The following SGK1 variants were observed in gnomAD, a reference collection of about 807,000 sequenced individuals.
SGK1 encodes the protein serum/glucocorticoid regulated kinase 1.
SGK1 carries 26 observed loss-of-function variants against 64.2 expected under a neutral mutation model. The ratio of observed to expected loss-of-function variants is 0.40; its 90% CI spans 0.30 to 0.56. The LOEUF is 0.56. Ranked by LOEUF, SGK1 falls within the 20% of genes least tolerant of loss-of-function variation. The pLI is 0.38. For synonymous variants in SGK1, 265 were observed against 239.7 expected, an observed-to-expected ratio of 1.11 and a Z score of -0.98; for missense variants, 519 against 645.6, an observed-to-expected ratio of 0.80 and a Z score of 2.12.
At chr6:134,300,883 C>G (rs1777443657) in intron 1 of SGK1, among the ~76,000 whole-genome samples, 1 of 152,030 alleles carries the variant, frequency 6.6e-6, no homozygotes, top group Admixed American at 6.5e-5. Context: ...ATCTACCCGC[C>G]TCGGCCTCCC....
rs113662116 is a variant in SGK1, at chr6:134,181,491, C to A, written c.362-6905G>T. ...TCCTGAGTAGCTGGGATTACAGGCA[C>A]GTGCCACTACTCCCAGTTAATTTGA... On this transcript the variant is annotated intron_variant, in intron 3 of 13. Transcript: ENST00000367858. 9.7e-3 allele frequency among the ~76,000 whole-genome samples: 1,476 copies of A among 152,116 alleles called. 28 individuals are homozygous for A. The highest frequency in any genetic ancestry group is 0.034 in the African/African-American group (1,418 of 41,486).
chr6:134,261,078 A>G (rs1158575894), intron 2 of SGK1: 1 of 152,350 alleles, frequency 6.6e-6, no homozygotes, highest in East Asian at 1.9e-4. Context: ...AAACTGCAAG[A>G]TGAATCAGTT....
chr6:134,263,658 C>A (rs1246848359), intron 1 of SGK1, among the ~76,000 whole-genome samples: 1 of 152,126 alleles, frequency 6.6e-6, no homozygotes, highest in Non-Finnish European at 1.5e-5. Flanking sequence ...CTATAAGATA[C>A]AGAAAGAAGT....
At chr6:134,290,027 T>G (rs1777240127) in intron 1 of SGK1, among the ~76,000 whole-genome samples, 1 of 151,534 alleles carries the variant, frequency 6.6e-6, no homozygotes, top group Non-Finnish European at 1.5e-5. Context: ...GGCAGGCACT[T>G]GTAATCCCAC....
At position 134,261,872 on chromosome 6, in the gene SGK1, A is replaced by T. The variant is rs760496439; in HGVS notation, c.285+61T>A. The T allele has an allele frequency of 5.2e-5, 64 of 1,234,742 alleles. No homozygotes were observed. The Admixed American group carries it at 1.1e-3, about 20-fold the overall frequency. The allele number at this position is 1,234,742 out of a possible 1,614,324, so 76.5% of individuals were successfully genotyped here. A position where few individuals can be genotyped will look rare whatever the true frequency, so the allele number is the denominator to read the frequency against. ...TTTGGGTATACTCTGGCAGAAATAC[A>T]AGAAAAACAAAGGCCCAGAATTTTT... On this transcript the variant is annotated intron_variant, in intron 2 of 13. Transcript: ENST00000367858.
chr6:134,305,952 T>A (rs75812743), intron 1 of SGK1, among the ~76,000 whole-genome samples: 7,492 of 152,326 alleles, frequency 0.049, 254 homozygotes, highest in Non-Finnish European at 0.074. Flanking sequence ...TGTTTCAACA[T>A]ATACTTATTG....
chr6:134,297,385 T>C, intron 1 of SGK1: 1 of 808,840 alleles, frequency 1.2e-6, no homozygotes, highest in South Asian at 1.3e-5. Context: ...TTGGCATCCT[T>C]AACAGCCAGC....
In SGK1 at chr6:134,191,825, C is replaced by T. The variant is rs113567420; in HGVS notation, c.361+15531G>A. Among the ~76,000 whole-genome samples, 22 of 69,294 alleles carry T rather than the reference C, an allele frequency of 3.2e-4. 1 individual carries two copies. The highest frequency in any genetic ancestry group is 8.8e-4 in the African/African-American group (17 of 19,242). 45.5% of individuals were successfully genotyped at this position (69,294 alleles called of 152,430 possible). On this transcript the variant is annotated intron_variant, in intron 3 of 13. Transcript: ENST00000367858. ...CTGGGACTACAGGCATGCGCCACCACGCCCGGCTGATTTTTTTTTTTTTTT... is the reference window on the plus strand; with the variant it reads ...CTGGGACTACAGGCATGCGCCACCATGCCCGGCTGATTTTTTTTTTTTTTT...
Position 134,234,398 on chromosome 6 carries a change from A to G in SGK1, c.286-26967T>C, listed in dbSNP as rs150548050. Among the ~76,000 whole-genome samples the G allele has an allele frequency of 2.4e-3, 358 of 152,332 alleles. 5 individuals are homozygous for G. Among genetic ancestry groups the G allele is most frequent in the African/African-American group, 8.2e-3 (339 of 41,580 alleles). ...AGCCTGGGCAAGAGAGCAAGGCTCTATTTCAAAAAAGAGAAAATAAAATAC... is the reference window on the plus strand; with the variant it reads ...AGCCTGGGCAAGAGAGCAAGGCTCTGTTTCAAAAAAGAGAAAATAAAATAC... On this transcript the variant is annotated intron_variant, in intron 2 of 13. Transcript: ENST00000367858.
chr6:134,171,543 G>C, intron 11 of SGK1, 94 bp downstream of exon 11: 1 of 839,286 alleles, frequency 1.2e-6, no homozygotes, highest in Non-Finnish European at 2.0e-6. Flanking sequence ...TAAGCGTACT[G>C]GTAAGGGCAA....
chr6:134,222,442 T>C (rs2114703496), intron 2 of SGK1, among the ~76,000 whole-genome samples: 1 of 151,978 alleles, frequency 6.6e-6, no homozygotes, highest in East Asian at 1.9e-4. Flanking sequence ...TTCAAGCAAT[T>C]CTCCTGCCTC....
At chr6:134,268,231 C>T (rs1346423121) in intron 1 of SGK1, among the ~76,000 whole-genome samples, 1 of 152,122 alleles carries the variant, frequency 6.6e-6, no homozygotes, top group Non-Finnish European at 1.5e-5. Flanking sequence ...CTTTGGGAGC[C>T]CTTCATAACA....
At chr6:134,242,347 G>C (rs1776462254) in intron 2 of SGK1, among the ~76,000 whole-genome samples, 1 of 152,124 alleles carries the variant, frequency 6.6e-6, no homozygotes. Context: ...TTAGCCAAGT[G>C]TGGTGGCACG....
At chr6:134,264,337 T>C (rs1038382251) in intron 1 of SGK1, among the ~76,000 whole-genome samples, 1 of 151,982 alleles carries the variant, frequency 6.6e-6, no homozygotes, top group Non-Finnish European at 1.5e-5. Flanking sequence ...GCCAGGATGG[T>C]CTCGATCTCC....
At chr6:134,275,394 G>A (rs1582757808) in intron 1 of SGK1, among the ~76,000 whole-genome samples, 1 of 152,216 alleles carries the variant, frequency 6.6e-6, no homozygotes, top group East Asian at 1.9e-4. Flanking sequence ...CTTTCCAAAT[G>A]CAAAAGCTGT....
chr6:134,242,090 A>T (rs113426594), intron 2 of SGK1, among the ~76,000 whole-genome samples: 2,275 of 152,332 alleles, frequency 0.015, 42 homozygotes, highest in African/African-American at 0.049. Context: ...GAGACAAGTG[A>T]GGTTAAAACT....
In SGK1 at chr6:134,179,709, CAT is replaced by C. The variant is rs1421517491; in HGVS notation, c.362-5125_362-5124del. 9.2e-5 allele frequency among the ~76,000 whole-genome samples: 14 copies of C among 152,104 alleles called. No homozygotes were observed. In the South Asian group the frequency reaches 2.7e-3, roughly 29 times the overall value. ...TAACTAAGAGAACACTATCTCTAATCATAGTGTTAAAAGTTATTAAAACCCAC... is the reference window on the plus strand; with the variant it reads ...TAACTAAGAGAACACTATCTCTAATCAGTGTTAAAAGTTATTAAAACCCAC... On this transcript the variant is annotated intron_variant, in intron 3 of 13. Coordinates refer to ENST00000367858, the MANE Select transcript of SGK1 (RefSeq NM_001143676.3).
rs1356861771 is a variant in SGK1 at position 134,262,107 on chromosome 6, C to T, written c.111G>A (p.Lys37=). ...WIKSPMVSVD[K]HQSPSLKYTG... ...TGTACTTCAGGCTGGGACTCTGATGCTTGTCCACACTGACCATTGGGCTCT... is the reference window on the plus strand; with the variant it reads ...TGTACTTCAGGCTGGGACTCTGATGTTTGTCCACACTGACCATTGGGCTCT... The change falls in exon 2 of 14, where the codon AAG becomes AAA. Residue 37 remains lysine, a synonymous_variant. Coordinates refer to ENST00000367858, the MANE Select transcript of SGK1 (RefSeq NM_001143676.3). 1.9e-6 allele frequency: 3 copies of T among 1,607,280 alleles called. No individual in the cohort carries two copies. Among genetic ancestry groups the T allele is most frequent in the Non-Finnish European group, 2.6e-6 (3 of 1,174,758 alleles).
At chr6:134,246,166 G>C (rs1012500537) in intron 2 of SGK1, among the ~76,000 whole-genome samples, 2 of 147,612 alleles carry the variant, frequency 1.4e-5, no homozygotes, top group African/African-American at 2.5e-5. Context: ...TTTTTTTTTT[G>C]AGATGGAGTT....
Sources: allele counts gnomAD v4.1 joint callset (sites outside exome capture counted in the v4.1 genomes callset), GRCh38; gene constraint gnomAD v4.1.1; transcripts MANE v1.5; gene names NCBI Gene and HGNC (gene_info 2026-07-23, HGNC 2026-07-21).